The following NOL4 variants were observed in gnomAD, a reference collection of about 807,000 sequenced individuals.
The protein encoded by NOL4 is nucleolar protein 4.
A neutral mutation model predicts 75.9 loss-of-function variants in NOL4; 17 were observed. The observed-to-expected ratio is 0.22, with a 90% confidence interval of 0.15 to 0.34. NOL4 has a LOEUF of 0.34. Among genes scored for constraint, NOL4 ranks in the 10% least tolerant of loss-of-function variants. The probability of loss-of-function intolerance (pLI) is 1.00; values close to 1 mark genes in which losing one functional copy is unlikely to be tolerated. For missense variants in NOL4, 614 were observed against 793.5 expected (o/e 0.77, Z 2.72); for synonymous variants, 292 against 289.9 (o/e 1.01, Z -0.07).
intron 8 of NOL4, among the ~76,000 whole-genome samples, chr18:33,948,044 A>G (rs1193297298): frequency 1.3e-5 from 2 of 151,952 alleles, no homozygotes; most frequent in African/African-American, 4.8e-5. Flanking sequence ...TCAGCTGTAC[A>G]TTTAGGATGC....
intron 8 of NOL4, among the ~76,000 whole-genome samples, chr18:33,950,676 A>C (rs2069155808): frequency 6.6e-6 from 1 of 152,136 alleles, no homozygotes; most frequent in African/African-American, 2.4e-5. Context: ...GATAAAATAA[A>C]ACTACAAAAG....
chr18:33,878,630 C>A (rs1348526997), intron 10 of NOL4, among the ~76,000 whole-genome samples: 2 of 151,998 alleles, frequency 1.3e-5, no homozygotes, highest in Non-Finnish European at 2.9e-5. Flanking sequence ...TAAACTCAGA[C>A]TAATAATGTA....
chr18:33,948,874 C>G (rs367973316), intron 8 of NOL4, among the ~76,000 whole-genome samples: 1 of 151,910 alleles, frequency 6.6e-6, no homozygotes, highest in Non-Finnish European at 1.5e-5. Flanking sequence ...ATAATATACA[C>G]GGAAGTGCAT....
chr18:34,002,974 G>A (rs1426779014), intron 6 of NOL4, among the ~76,000 whole-genome samples: 2 of 152,048 alleles, frequency 1.3e-5, no homozygotes, highest in Non-Finnish European at 2.9e-5. Flanking sequence ...AAACTTGTAT[G>A]AGTAAACATT....
chr18:33,916,371 TG>T (rs1482366533), intron 9 of NOL4, among the ~76,000 whole-genome samples: 2 of 152,164 alleles, frequency 1.3e-5, no homozygotes, highest in Admixed American at 6.6e-5. Context: ...CCTCTCGGGC[TG>T]CAATTCTGGC....
chr18:34,153,140 A>G (rs1023619371), intron 1 of NOL4, among the ~76,000 whole-genome samples: 1 of 151,824 alleles, frequency 6.6e-6, no homozygotes, highest in Non-Finnish European at 1.5e-5. Flanking sequence ...TATTTTCGTT[A>G]TATTTTTCAT....
intron 6 of NOL4, among the ~76,000 whole-genome samples, chr18:33,978,230 C>T (rs940206737): frequency 2.6e-5 from 4 of 152,076 alleles, no homozygotes; most frequent in African/African-American, 9.7e-5. Context: ...TATATGTCTA[C>T]CTTTTCTAGA....
At chr18:34,213,533 C>T (rs1478382803) in intron 1 of NOL4, among the ~76,000 whole-genome samples, 2 of 152,184 alleles carry the variant, frequency 1.3e-5, no homozygotes, top group Non-Finnish European at 2.9e-5. Flanking sequence ...TGTGATCTAC[C>T]CGCCTCAGCC....
At chr18:34,041,542 T>C (rs1388574500) in intron 5 of NOL4, among the ~76,000 whole-genome samples, 2 of 151,928 alleles carry the variant, frequency 1.3e-5, no homozygotes, top group African/African-American at 4.8e-5. Context: ...TTATCACCCT[T>C]AAATTTCTTA....
chr18:34,071,217 G>A (rs1031299568), intron 5 of NOL4, among the ~76,000 whole-genome samples: 5 of 152,098 alleles, frequency 3.3e-5, no homozygotes, highest in South Asian at 2.1e-4. Flanking sequence ...CACTAAATAC[G>A]TACAAAGATT....
In NOL4 at chr18:33,852,693, C is replaced by G. The variant is rs2062673898; in HGVS notation, c.*149G>C. ...GTTCCTTTGAAGCACCTTAACACAT[C>G]ACTTACGGATCAAGGACAATGTGGC... On this transcript the variant is annotated 3_prime_UTR_variant, in exon 11 of 11. Transcript: ENST00000261592. 2.9e-6 allele frequency: 2 copies of G among 693,864 alleles called. No homozygotes were observed. Among genetic ancestry groups the G allele is most frequent in the Non-Finnish European group, 4.7e-6 (2 of 423,904 alleles). 43.0% of individuals were successfully genotyped at this position (693,864 alleles called of 1,614,324 possible). A position where few individuals can be genotyped will look rare whatever the true frequency, so the allele number is the denominator to read the frequency against.
chr18:33,956,398 G>C lies in NOL4; in HGVS notation c.1428+928C>G, dbSNP rs978733280. 2.6e-5 allele frequency among the ~76,000 whole-genome samples: 4 copies of C among 151,958 alleles called. No individual in the cohort carries two copies. In the East Asian group the frequency reaches 7.7e-4, roughly 29 times the overall value. ...GAGATTTTATGATTTGAGATAATTG[G>C]TACAGACATACTCTGAAACCTCTCT... On this transcript the variant is annotated intron_variant, in intron 8 of 10. Transcript: ENST00000261592.
intron 2 of NOL4, among the ~76,000 whole-genome samples, chr18:34,123,261 T>C (rs933790312): frequency 6.6e-6 from 1 of 151,752 alleles, no homozygotes; most frequent in Non-Finnish European, 1.5e-5. Flanking sequence ...AGTAAGCTAT[T>C]CTTTTGTTTT....
At chr18:34,130,095 A>G in intron 1 of NOL4, 75 bp from the exon 2 acceptor site, 1 of 1,346,340 alleles carries the variant, frequency 7.4e-7, no homozygotes, top group Non-Finnish European at 9.7e-7. Context: ...AAATTGTTTA[A>G]AACAAAATGT....
chr18:33,902,288 G>A (rs762818997), intron 9 of NOL4, among the ~76,000 whole-genome samples: 4 of 151,904 alleles, frequency 2.6e-5, no homozygotes, highest in Admixed American at 6.6e-5. Flanking sequence ...TCTATAACCT[G>A]TTTCTTTTTG....
chr18:33,921,205 G>A (rs1302206765), intron 9 of NOL4, among the ~76,000 whole-genome samples: 2 of 152,138 alleles, frequency 1.3e-5, no homozygotes, highest in Non-Finnish European at 2.9e-5. Context: ...ACCATATCCA[G>A]AGTCTTACTC....
At chr18:34,146,959 G>A (rs2081426524) in intron 1 of NOL4, among the ~76,000 whole-genome samples, 1 of 151,916 alleles carries the variant, frequency 6.6e-6, no homozygotes, top group Non-Finnish European at 1.5e-5. Context: ...GGATTCCTAG[G>A]TATTTTATTC....
At chr18:34,126,500 A>AT (rs1301569105) in intron 2 of NOL4, among the ~76,000 whole-genome samples, 2 of 152,280 alleles carry the variant, frequency 1.3e-5, no homozygotes, top group East Asian at 3.9e-4. Context: ...TTCTCTATTG[A>AT]TAACACTGAC....
intron 1 of NOL4, among the ~76,000 whole-genome samples, chr18:34,213,363 C>T (rs2146577913): frequency 6.6e-6 from 1 of 152,274 alleles, no homozygotes; most frequent in East Asian, 1.9e-4. Flanking sequence ...AATCTTGGCT[C>T]ACTGCAACCT....
Sources: allele counts gnomAD v4.1 joint callset (sites outside exome capture counted in the v4.1 genomes callset), GRCh38; gene constraint gnomAD v4.1.1; transcripts MANE v1.5; gene names NCBI Gene and HGNC (gene_info 2026-07-23, HGNC 2026-07-21).